The following ASB4 variants were observed in gnomAD, a reference collection of about 807,000 sequenced individuals.
ASB4 encodes the protein ankyrin repeat and SOCS box containing 4, also known as ankyrin repeat and SOCS box protein 4.
ASB4 carries 35 observed loss-of-function variants against 38.6 expected under a neutral mutation model. The observed-to-expected ratio is 0.91, with a 90% confidence interval of 0.69 to 1.20. ASB4 has a LOEUF of 1.20. ASB4 is among the 50% of genes most tolerant of loss of function. The probability of loss-of-function intolerance (pLI) is 0.00; values close to 1 mark genes in which losing one functional copy is unlikely to be tolerated. For synonymous variants in ASB4, 195 were observed against 201.3 expected, an observed-to-expected ratio of 0.97 and a Z score of 0.26; for missense variants, 557 against 527.2, an observed-to-expected ratio of 1.06 and a Z score of -0.55.
intron 2 of ASB4, among the ~76,000 whole-genome samples, chr7:95,520,568 A>G (rs1045165364): frequency 6.6e-6 from 1 of 152,122 alleles, no homozygotes; most frequent in Admixed American, 6.6e-5. Context: ...CTACACCTTT[A>G]TCTTAGAAGC....
At chr7:95,533,358 T>C (rs1004724870) in intron 3 of ASB4, among the ~76,000 whole-genome samples, 4 of 152,184 alleles carry the variant, frequency 2.6e-5, no homozygotes, top group African/African-American at 4.8e-5. Context: ...GGAAAATTAC[T>C]TATTGGGCTT....
chr7:95,550,771 C>G, the ASB4 span, among the ~76,000 whole-genome samples: 1 of 152,256 alleles, frequency 6.6e-6, no homozygotes, highest in African/African-American at 2.4e-5. Context: ...TAGTCCTCTG[C>G]TTTAGCTTCA....
intron 2 of ASB4, among the ~76,000 whole-genome samples, chr7:95,501,442 T>C (rs1357502083): frequency 2.6e-5 from 4 of 152,214 alleles, no homozygotes; most frequent in Non-Finnish European, 5.9e-5. Context: ...CCGAAATAGA[T>C]AGGCCTGCTG....
At chr7:95,506,469 G>A (rs1158181911) in intron 2 of ASB4, among the ~76,000 whole-genome samples, 1 of 152,058 alleles carries the variant, frequency 6.6e-6, no homozygotes, top group African/African-American at 2.4e-5. Flanking sequence ...GTACATTTCT[G>A]AGAAAGGGTG....
the ASB4 span, among the ~76,000 whole-genome samples, chr7:95,472,845 A>G: frequency 6.6e-6 from 1 of 152,150 alleles, no homozygotes; most frequent in East Asian, 1.9e-4. Context: ...AGAAACGTGC[A>G]CTTCCCATCC....
intron 2 of ASB4, among the ~76,000 whole-genome samples, chr7:95,498,731 C>CA (rs1467969265): frequency 6.6e-6 from 1 of 152,028 alleles, no homozygotes; most frequent in Non-Finnish European, 1.5e-5. Flanking sequence ...TTCCTCCTAG[C>CA]AAAAAATTTG....
At chr7:95,480,233 C>G (rs1405498342) in intron 1 of ASB4, among the ~76,000 whole-genome samples, 1 of 152,180 alleles carries the variant, frequency 6.6e-6, no homozygotes, top group African/African-American at 2.4e-5. Flanking sequence ...ATGTGACAAA[C>G]TATATATCTT....
At chr7:95,506,047 C>T (rs1439619524) in intron 2 of ASB4, among the ~76,000 whole-genome samples, 6 of 151,988 alleles carry the variant, frequency 3.9e-5, no homozygotes, top group African/African-American at 1.2e-4. Context: ...GCACATGGGC[C>T]GTGCCTGGCT....
chr7:95,551,263 G>A, the ASB4 span, among the ~76,000 whole-genome samples: 65,178 of 152,058 alleles, frequency 0.43, 14,341 homozygotes, highest in East Asian at 0.82. Flanking sequence ...TTACAAGCAT[G>A]AGCCACTGCG....
At chr7:95,502,313 A>G (rs1167765189) in intron 2 of ASB4, among the ~76,000 whole-genome samples, 5 of 151,906 alleles carry the variant, frequency 3.3e-5, no homozygotes, top group African/African-American at 9.7e-5. Context: ...AAGCATACAA[A>G]AGATAATACA....
intron 2 of ASB4, among the ~76,000 whole-genome samples, chr7:95,522,527 C>T (rs1019727267): frequency 2.6e-5 from 4 of 152,082 alleles, no homozygotes; most frequent in African/African-American, 9.7e-5. Flanking sequence ...ACATGTTAGG[C>T]AGGGCATTGT....
At chr7:95,537,458 G>C in intron 4 of ASB4, 113 bp from the exon 5 acceptor site, 1 of 874,820 alleles carries the variant, frequency 1.1e-6, no homozygotes, top group Non-Finnish European at 1.7e-6. Context: ...CTCACCAATA[G>C]AGACCCTAGG....
downstream of ASB4, among the ~76,000 whole-genome samples, chr7:95,541,042 A>T (rs1343019214): frequency 6.6e-6 from 1 of 152,210 alleles, no homozygotes; most frequent in Non-Finnish European, 1.5e-5. Flanking sequence ...TCTTTGAAAC[A>T]CAAACACCAC....
intron 1 of ASB4, among the ~76,000 whole-genome samples, chr7:95,493,221 T>C (rs897882794): frequency 6.6e-6 from 1 of 152,212 alleles, no homozygotes; most frequent in Non-Finnish European, 1.5e-5. Flanking sequence ...GATCATACTT[T>C]AAACAATCCT....
At chr7:95,484,169 A>G (rs1363336676), upstream of ASB4, among the ~76,000 whole-genome samples, 1 of 152,054 alleles carries the variant, frequency 6.6e-6, no homozygotes, top group African/African-American at 2.4e-5. Flanking sequence ...CTCTTCAAAA[A>G]AACACACAAA....
chr7:95,484,846 A>C (rs1790062734), upstream of ASB4, among the ~76,000 whole-genome samples: 1 of 151,946 alleles, frequency 6.6e-6, no homozygotes, highest in Non-Finnish European at 1.5e-5. Flanking sequence ...TCAAACTTAC[A>C]GAAAAGCTGA....
chr7:95,538,548 C>G lies in ASB4; in HGVS notation c.*789C>G, dbSNP rs1790927456. ...AGACTCACTTTTAATGCTTATCTTT[C>G]AAAGTTGTGTTTCTGACATGAAGTG... On this transcript the variant is annotated 3_prime_UTR_variant, in exon 5 of 5. Transcript: ENST00000325885. The G allele has an allele frequency of 6.6e-6, 1 of 152,166 alleles. No homozygotes were observed. The highest frequency in any genetic ancestry group is 1.5e-5 in the Non-Finnish European group (1 of 68,032). 9.4% of individuals were successfully genotyped at this position (152,166 alleles called of 1,614,324 possible). A position where few individuals can be genotyped will look rare whatever the true frequency, so the allele number is the denominator to read the frequency against.
upstream of ASB4, among the ~76,000 whole-genome samples, chr7:95,485,026 A>ATGTATATATGTATATATATG (rs1166861968): frequency 0.01 from 1,528 of 148,978 alleles, 27 homozygotes; most frequent in African/African-American, 0.035. Context: ...ATGTGTATAT[A>ATGTATATATGTATATATATG]TGTATATATG....
At chr7:95,515,441 G>T (rs1790571008) in intron 2 of ASB4, among the ~76,000 whole-genome samples, 1 of 125,064 alleles carries the variant, frequency 8.0e-6, no homozygotes. Flanking sequence ...TTTTAAGACA[G>T]AGTCTCATTC....
Sources: gnomAD v4.1 joint callset for allele counts (sites outside exome capture counted in the v4.1 genomes callset) on GRCh38, gnomAD v4.1.1 for gene constraint, MANE v1.5 for transcripts, NCBI Gene and HGNC (gene_info 2026-07-23, HGNC 2026-07-21) for gene names.